TOPAZ1: variants seen among roughly 807,000 people sequenced by gnomAD.
TOPAZ1 encodes protein TOPAZ1.
In TOPAZ1, 66 loss-of-function variants were observed where a neutral mutation model predicts 172.2. The ratio of observed to expected loss-of-function variants is 0.38; its 90% CI spans 0.31 to 0.47. The LOEUF (loss-of-function observed/expected upper bound fraction) is 0.47, where lower values mean the gene tolerates loss of function less well. Among genes scored for constraint, TOPAZ1 ranks in the 20% least tolerant of loss-of-function variants. The pLI, the probability that TOPAZ1 is intolerant of heterozygous loss-of-function variation, is 0.99. For missense variants in TOPAZ1, 1,822 were observed against 1,972.4 expected, an observed-to-expected ratio of 0.92 and a Z score of 1.44; for synonymous variants, 681 against 683.9, an observed-to-expected ratio of 1.00 and a Z score of 0.07.
At position 44,308,050 on chromosome 3, in the gene TOPAZ1, C is replaced by T. The variant is rs370058148; in HGVS notation, c.4140+1624C>T. Among the ~76,000 whole-genome samples, 25 of 152,154 alleles carry T rather than the reference C, an allele frequency of 1.6e-4. No homozygotes were observed. The East Asian group carries it at 4.4e-3, about 27-fold the overall frequency. ...GTACTTTGGGAGGCTGAGGCGGGGG[C>T]ATCACTTGAGGTCCGGAGTTCAAGA... On this transcript the variant is annotated intron_variant, in intron 15 of 19. Coordinates refer to ENST00000309765, the MANE Select transcript of TOPAZ1 (RefSeq NM_001145030.2).
chr3:44,252,446 C>T (rs776816891), intron 2 of TOPAZ1, among the ~76,000 whole-genome samples: 5 of 152,194 alleles, frequency 3.3e-5, no homozygotes, highest in Non-Finnish European at 5.9e-5. Context: ...CACTGGCTTT[C>T]AGCCACGTGG....
At chr3:44,331,691 A>C (rs1427836075) in intron 19 of TOPAZ1, 101 bp from the exon 20 acceptor site, 7 of 926,288 alleles carry the variant, frequency 7.6e-6, no homozygotes, top group Middle Eastern at 3.3e-4. Context: ...TGGTGAGAAG[A>C]CTATCATAGC....
intron 18 of TOPAZ1, among the ~76,000 whole-genome samples, chr3:44,328,026 G>A (rs1396735314): frequency 6.6e-6 from 1 of 152,180 alleles, no homozygotes; most frequent in Non-Finnish European, 1.5e-5. Context: ...TTACAGGCAT[G>A]AGTCACCACA....
rs148742375 is a variant in TOPAZ1 at position 44,268,165 on chromosome 3, A to G, written c.3160+1029A>G. Among the ~76,000 whole-genome samples, 630 of 152,246 alleles carry G rather than the reference A, an allele frequency of 4.1e-3. 10 individuals are homozygous for G. Among genetic ancestry groups the G allele is most frequent in the African/African-American group, 0.014 (602 of 41,564 alleles). ...ATTAGTTTGCTTGGGCTGCCATAATAAAATGCCACAGATTAAAGGGCTCAA... is the reference window on the plus strand; with the variant it reads ...ATTAGTTTGCTTGGGCTGCCATAATGAAATGCCACAGATTAAAGGGCTCAA... On this transcript the variant is annotated intron_variant, in intron 6 of 19. Transcript: ENST00000309765.
chr3:44,253,346 C>G (rs1182458759), intron 2 of TOPAZ1, among the ~76,000 whole-genome samples: 1 of 152,154 alleles, frequency 6.6e-6, no homozygotes, highest in Non-Finnish European at 1.5e-5. Context: ...CATTATAGCT[C>G]TGGTGTGGAG....
At chr3:44,269,547 A>G (rs1458351801) in intron 7 of TOPAZ1, among the ~76,000 whole-genome samples, 1 of 113,740 alleles carries the variant, frequency 8.8e-6, no homozygotes, top group Admixed American at 1.3e-4. Flanking sequence ...ATACAATGGC[A>G]TGATCTCGGC....
chr3:44,324,913 T>A (rs1002598696), intron 18 of TOPAZ1, among the ~76,000 whole-genome samples: 5 of 152,206 alleles, frequency 3.3e-5, no homozygotes, highest in African/African-American at 4.8e-5. Context: ...AGTACCTTTG[T>A]TATTGGAACT....
chr3:44,284,528 C>T (rs1335005035), intron 9 of TOPAZ1, among the ~76,000 whole-genome samples: 4 of 152,068 alleles, frequency 2.6e-5, no homozygotes, highest in Non-Finnish European at 5.9e-5. Context: ...TGTTGATGGA[C>T]GCTTGGGTTG....
intron 12 of TOPAZ1, 30 bp downstream of exon 12, chr3:44,290,916 A>T (rs1294490646): frequency 7.2e-7 from 1 of 1,391,484 alleles, no homozygotes; most frequent in Admixed American, 2.2e-5. Flanking sequence ...TTTAAGCCAA[A>T]ATATATGTGT....
intron 16 of TOPAZ1, among the ~76,000 whole-genome samples, chr3:44,311,559 C>T (rs949753490): frequency 2.6e-5 from 4 of 152,066 alleles, no homozygotes; most frequent in Admixed American, 6.5e-5. Context: ...TCAATGTTTC[C>T]GTTTTAGACT....
intron 16 of TOPAZ1, among the ~76,000 whole-genome samples, chr3:44,316,349 G>A (rs964344878): frequency 2.0e-5 from 3 of 152,112 alleles, no homozygotes. Flanking sequence ...TGTATTTAAT[G>A]TGATCTTTAT....
chr3:44,270,701 T>C lies in TOPAZ1; in HGVS notation c.3263T>C (p.Leu1088Pro). ...EKNVGVFQKSLGLMIPYKYCK... is the reference protein window; with the variant it reads ...EKNVGVFQKSPGLMIPYKYCK... ...ATTTTCTAGGTGTTCCAGAAGTCCCTAGGGTTGATGATACCCTATAAATAT... is the reference window on the plus strand; with the variant it reads ...ATTTTCTAGGTGTTCCAGAAGTCCCCAGGGTTGATGATACCCTATAAATAT... Residue 1088 changes from leucine (L) to proline (P), a missense_variant, in exon 8 of 20, where the codon CTA becomes CCA. Physicochemically the swap from Leu to Pro is moderately conservative, Grantham distance 98. This residue lies in a region of TOPAZ1 where 1,489 missense variants were observed against 1,490.8 expected (regional missense o/e 1.00). Coordinates refer to ENST00000309765, the MANE Select transcript of TOPAZ1 (RefSeq NM_001145030.2). 2 of 1,548,930 alleles carry C rather than the reference T, an allele frequency of 1.3e-6. No homozygotes were observed. Among genetic ancestry groups the C allele is most frequent in the South Asian group, 2.4e-5 (2 of 83,256 alleles).
chr3:44,293,113 A>G (rs552884665), intron 12 of TOPAZ1, among the ~76,000 whole-genome samples: 7 of 152,308 alleles, frequency 4.6e-5, no homozygotes, highest in South Asian at 4.1e-4. Context: ...ATGTCAGAGC[A>G]CAATGCACTA....
chr3:44,257,438 A>T (rs1290090974), intron 4 of TOPAZ1, among the ~76,000 whole-genome samples: 1 of 119,276 alleles, frequency 8.4e-6, no homozygotes, highest in Non-Finnish European at 1.7e-5. Context: ...TATATATAAA[A>T]TGTGTGTGTA....
chr3:44,306,445 G>A lies in TOPAZ1; in HGVS notation c.4140+19G>A, dbSNP rs1277267869. On this transcript the variant is annotated intron_variant, in intron 15 of 19. Transcript: ENST00000309765. ...GTCCAAGGTACTTCATTAAGTTTTTGTCTTGGCTTGGTATAGAGACTACTA... is the reference window on the plus strand; with the variant it reads ...GTCCAAGGTACTTCATTAAGTTTTTATCTTGGCTTGGTATAGAGACTACTA... The A allele has an allele frequency of 2.1e-6, 3 of 1,462,310 alleles. No homozygotes were observed. The highest frequency in any genetic ancestry group is 2.8e-6 in the Non-Finnish European group (3 of 1,073,726). The allele number at this position is 1,462,310 out of a possible 1,614,324, so 90.6% of individuals were successfully genotyped here. A position where few individuals can be genotyped will look rare whatever the true frequency, so the allele number is the denominator to read the frequency against.
At chr3:44,284,046 A>T (rs189929828) in intron 9 of TOPAZ1, among the ~76,000 whole-genome samples, 1 of 152,190 alleles carries the variant, frequency 6.6e-6, no homozygotes, top group Admixed American at 6.5e-5. Context: ...AGTTGTCATG[A>T]TTCTTTAGCC....
At chr3:44,336,429 G>A (rs752922175), downstream of TOPAZ1, among the ~76,000 whole-genome samples, 10 of 152,168 alleles carry the variant, frequency 6.6e-5, no homozygotes, top group Admixed American at 1.3e-4. Context: ...TAACTGTCCC[G>A]TGTATCTATG....
chr3:44,307,005 C>T (rs1700343056), intron 15 of TOPAZ1, among the ~76,000 whole-genome samples: 1 of 152,042 alleles, frequency 6.6e-6, no homozygotes, highest in Non-Finnish European at 1.5e-5. Flanking sequence ...AGACACATTT[C>T]TTTGTTTGTG....
chr3:44,261,771 T>C (rs937898341), intron 4 of TOPAZ1, among the ~76,000 whole-genome samples: 1 of 152,194 alleles, frequency 6.6e-6, no homozygotes, highest in African/African-American at 2.4e-5. Context: ...ATGATATTGC[T>C]CTCTCCTATC....
Sources: gnomAD v4.1 joint callset for allele counts (sites outside exome capture counted in the v4.1 genomes callset) on GRCh38, gnomAD v4.1.1 for gene constraint, gnomAD v4.1.1 regional missense constraint, MANE v1.5 for transcripts, NCBI Gene and HGNC (gene_info 2026-07-23, HGNC 2026-07-21) for gene names.